The following FBXW7 variants were observed in gnomAD, a reference collection of about 807,000 sequenced individuals.
FBXW7 encodes F-box and WD repeat domain containing 7, also known as F-box/WD repeat-containing protein 7.
FBXW7 carries 11 observed loss-of-function variants against 86.3 expected under a neutral mutation model. The observed-to-expected ratio is 0.13, with a 90% CI of 0.08 to 0.21. The LOEUF is 0.21. Among genes scored for constraint, FBXW7 ranks in the 10% least tolerant of loss-of-function variants. The pLI, the probability that FBXW7 is intolerant of heterozygous loss-of-function variation, is 1.00. For synonymous variants in FBXW7, 313 were observed against 297.9 expected (o/e 1.05, Z -0.52); for missense variants, 488 against 847.4 (o/e 0.58, Z 5.27).
At chr4:152,511,859 T>C (rs1748008754) in intron 2 of FBXW7, among the ~76,000 whole-genome samples, 1 of 152,156 alleles carries the variant, frequency 6.6e-6, no homozygotes, top group Non-Finnish European at 1.5e-5. Context: ...TAAGACATTC[T>C]GGAAATATTT....
intron 6 of FBXW7, 88 bp from the exon 7 acceptor site, chr4:152,338,024 C>G (rs2126587809): frequency 8.9e-6 from 12 of 1,352,960 alleles, no homozygotes; most frequent in Non-Finnish European, 1.2e-5. Flanking sequence ...TACACACAAC[C>G]ATAGTTGATC....
At chr4:152,353,955 A>AAAAAC (rs1300322266) in intron 4 of FBXW7, among the ~76,000 whole-genome samples, 1 of 152,158 alleles carries the variant, frequency 6.6e-6, no homozygotes, top group Non-Finnish European at 1.5e-5. Context: ...GTTTCTCCAG[A>AAAAAC]AAAACAAAAC....
At chr4:152,382,461 G>A (rs1324614778) in intron 4 of FBXW7, 1 of 1,223,602 alleles carries the variant, frequency 8.2e-7, no homozygotes, top group Non-Finnish European at 1.0e-6. Flanking sequence ...AGAACCCAAG[G>A]CCTGCTGCTT....
chr4:152,480,937 C>T (rs1315075135), intron 2 of FBXW7, among the ~76,000 whole-genome samples: 1 of 152,174 alleles, frequency 6.6e-6, no homozygotes, highest in Non-Finnish European at 1.5e-5. Flanking sequence ...GGAGAAGTTA[C>T]AGCAAGTTAT....
chr4:152,510,649 T>C (rs1181069675), intron 2 of FBXW7, among the ~76,000 whole-genome samples: 1 of 152,062 alleles, frequency 6.6e-6, no homozygotes, highest in Non-Finnish European at 1.5e-5. Context: ...GGGAAAGCTA[T>C]GAGATTAATC....
At chr4:152,505,112 G>A (rs1003405304) in intron 2 of FBXW7, among the ~76,000 whole-genome samples, 8 of 152,096 alleles carry the variant, frequency 5.3e-5, no homozygotes, top group Non-Finnish European at 1.0e-4. Context: ...ACTGAATACT[G>A]TATGCAACTG....
At chr4:152,407,920 G>C (rs561622765) in intron 4 of FBXW7, among the ~76,000 whole-genome samples, 1 of 152,278 alleles carries the variant, frequency 6.6e-6, no homozygotes, top group South Asian at 2.1e-4. Context: ...GCCCAGGCTG[G>C]TCTCAAGCAA....
chr4:152,451,025 T>G (rs1222345090), intron 2 of FBXW7, among the ~76,000 whole-genome samples: 1 of 152,142 alleles, frequency 6.6e-6, no homozygotes, highest in African/African-American at 2.4e-5. Context: ...ATCAGCTAAT[T>G]TGATGTATAG....
chr4:152,411,490 G>A lies in FBXW7; in HGVS notation c.314C>T (p.Ala105Val), dbSNP rs2126878861. The change falls in exon 4 of 14, where the codon GCT becomes GTT. Residue 105 changes from alanine to valine, a missense_variant. By Grantham distance (64) the Ala-to-Val change is moderately conservative. Around this residue, in one of 4 missense-constraint regions of FBXW7, gnomAD observed 230 missense variants for 240.0 expected, o/e 0.96. Transcript: ENST00000281708. ...QEEQEEDEEH[A>V]GEQDEEDEEE... is the part of the protein sequence containing the mutation. ...CTCATCCTCCTCATCTTGTTCACCA[G>A]CATGTTCTTCATCTTCCTCTTGTTC... 6.2e-7 allele frequency: 1 copy of A among 1,613,580 alleles called. No homozygotes were observed. Among genetic ancestry groups the A allele is most frequent in the Middle Eastern group, 1.7e-4 (1 of 6,054 alleles).
At chr4:152,396,149 C>T (rs550411672) in intron 4 of FBXW7, among the ~76,000 whole-genome samples, 1 of 151,950 alleles carries the variant, frequency 6.6e-6, no homozygotes, top group South Asian at 2.1e-4. Flanking sequence ...AAATTAGTTA[C>T]AATACAGGTG....
At chr4:152,324,665 C>T in intron 12 of FBXW7, 1 of 373,798 alleles carries the variant, frequency 2.7e-6, no homozygotes, top group Non-Finnish European at 4.9e-6. Context: ...GAAAACAAAG[C>T]ACCTAAAATG....
At chr4:152,391,860 C>CATCT (rs1736024169) in intron 4 of FBXW7, among the ~76,000 whole-genome samples, 1 of 152,118 alleles carries the variant, frequency 6.6e-6, no homozygotes, top group Non-Finnish European at 1.5e-5. Flanking sequence ...TGTAACAGAA[C>CATCT]ATCTATCCAA....
At position 152,322,809 on chromosome 4, in the gene FBXW7, T is replaced by G; in HGVS notation, c.*72A>C. On this transcript the variant is annotated 3_prime_UTR_variant, in exon 14 of 14. Coordinates refer to ENST00000281708, the MANE Select transcript of FBXW7 (RefSeq NM_001349798.2). ...GGATTTTTTTCTTTTTCTTTTCTTT[T>G]TTTCTTTTTGCAGGGGGAAGGGCAG... The G allele has an allele frequency of 6.4e-7, 1 of 1,565,962 alleles. No homozygotes were observed. The highest frequency in any genetic ancestry group is 2.3e-5 in the East Asian group (1 of 44,334).
intron 2 of FBXW7, among the ~76,000 whole-genome samples, chr4:152,521,345 A>T (rs533429897): frequency 6.6e-6 from 1 of 152,304 alleles, no homozygotes; most frequent in East Asian, 1.9e-4. Flanking sequence ...TTCCCAGATG[A>T]AAAGAAAAGA....
intron 2 of FBXW7, among the ~76,000 whole-genome samples, chr4:152,505,743 A>ATTTT (rs763132391): frequency 7.0e-6 from 1 of 142,026 alleles, no homozygotes; most frequent in Admixed American, 7.1e-5. Flanking sequence ...CTGTTTTGCA[A>ATTTT]TTTTTTTTTT....
chr4:152,467,104 T>C (rs762629879), intron 2 of FBXW7, among the ~76,000 whole-genome samples: 2 of 152,196 alleles, frequency 1.3e-5, no homozygotes, highest in Non-Finnish European at 2.9e-5. Context: ...TAATAAACTA[T>C]TGATATGGTT....
intron 2 of FBXW7, among the ~76,000 whole-genome samples, chr4:152,527,062 C>T (rs1749580383): frequency 6.6e-6 from 1 of 152,208 alleles, no homozygotes; most frequent in South Asian, 2.1e-4. Context: ...TAAATTAACA[C>T]TGATGGGTCA....
intron 4 of FBXW7, among the ~76,000 whole-genome samples, chr4:152,390,399 C>CT (rs941699371): frequency 4.2e-4 from 64 of 152,172 alleles, no homozygotes; most frequent in African/African-American, 1.4e-3. Context: ...AAGCTTAACT[C>CT]TTACAGGCTG....
chr4:152,457,432 G>A (rs908422054), intron 2 of FBXW7, among the ~76,000 whole-genome samples: 8 of 152,106 alleles, frequency 5.3e-5, no homozygotes, highest in African/African-American at 1.7e-4. Flanking sequence ...CACGAGGTCA[G>A]GAGAGCGAGA....
Sources: gnomAD v4.1 joint callset for allele counts (sites outside exome capture counted in the v4.1 genomes callset) on GRCh38, gnomAD v4.1.1 for gene constraint, gnomAD v4.1.1 regional missense constraint, MANE v1.5 for transcripts, NCBI Gene and HGNC (gene_info 2026-07-23, HGNC 2026-07-21) for gene names.